SUSD4: variants seen among roughly 807,000 people sequenced by gnomAD.
The protein encoded by SUSD4 is sushi domain-containing protein 4.
Under a neutral mutation model 50.5 loss-of-function variants are expected in SUSD4, and 41 were observed. The ratio of observed to expected loss-of-function variants is 0.81; its 90% CI spans 0.63 to 1.05. The LOEUF (loss-of-function observed/expected upper bound fraction) is 1.05. Ranked by LOEUF, SUSD4 falls within the 50% of genes least tolerant of loss-of-function variation. The probability of loss-of-function intolerance (pLI) is 0.00; values close to 1 mark genes in which losing one functional copy is unlikely to be tolerated. For synonymous variants in SUSD4, 257 were observed against 257.3 expected (o/e 1.00, Z 0.01); for missense variants, 580 against 634.7 (o/e 0.91, Z 0.93).
In SUSD4 at chr1:223,229,310, G is replaced by C. The variant is rs932060741; in HGVS notation, c.803C>G (p.Thr268Ser). The change falls in exon 6 of 9, where the codon ACT becomes AGT. Residue 268 changes from threonine (T) to serine (S), a missense_variant. By Grantham distance (58) the Thr-to-Ser change is moderately conservative. Transcript: ENST00000366878. The surrounding 1 kb of genome is among the most constrained non-coding windows in gnomAD (Gnocchi z 4.7). ...AGGATCGCAGTAAAACTCCACCACA[G>C]TTCCGTGGTTGTAGCGCTCACAAGG... ...PRPCERYNHG[T>S]VVEFYCDPGY... 6.2e-7 allele frequency: 1 copy of C among 1,612,690 alleles called. No individual in the cohort carries two copies. The highest frequency in any genetic ancestry group is 8.5e-7 in the Non-Finnish European group (1 of 1,178,994).
intron 2 of SUSD4, among the ~76,000 whole-genome samples, chr1:223,321,273 C>T (rs1666555839): frequency 6.6e-6 from 1 of 152,208 alleles, no homozygotes; most frequent in African/African-American, 2.4e-5. Flanking sequence ...ACGGCAAAGA[C>T]AGATGCAGAG....
chr1:223,255,601 A>C (rs1316885238), intron 5 of SUSD4, among the ~76,000 whole-genome samples: 2 of 152,156 alleles, frequency 1.3e-5, no homozygotes, highest in African/African-American at 4.8e-5. Context: ...CCAGGGCCTT[A>C]GAGCCTTATG....
chr1:223,236,169 G>A (rs1460988472), intron 5 of SUSD4, among the ~76,000 whole-genome samples: 1 of 152,124 alleles, frequency 6.6e-6, no homozygotes. Context: ...TGGTGTTAAG[G>A]TCTTTGGAAC....
intron 3 of SUSD4, among the ~76,000 whole-genome samples, chr1:223,269,210 C>T (rs1662738415): frequency 6.6e-6 from 1 of 152,146 alleles, no homozygotes; most frequent in Non-Finnish European, 1.5e-5. Flanking sequence ...ATTTCCTGTC[C>T]ACCTTATCTG....
rs994029422 is a variant in SUSD4, at chr1:223,227,204, C to T, written c.1061+390G>A. Among the ~76,000 whole-genome samples the T allele has an allele frequency of 9.8e-5, 15 of 152,292 alleles. No individual in the cohort carries two copies. The highest frequency in any genetic ancestry group is 3.6e-4 in the African/African-American group (15 of 41,544). Reference sequence around the variant, plus strand: ...CACCTCTGACCTGTGTCCCAGTCAGCTGTGTGCGCATCTTACCCTCCCTAT... The same window carrying T: ...CACCTCTGACCTGTGTCCCAGTCAGTTGTGTGCGCATCTTACCCTCCCTAT... On this transcript the variant is annotated intron_variant, in intron 7 of 8. Coordinates refer to ENST00000366878, the MANE Select transcript of SUSD4 (RefSeq NM_017982.4). The surrounding 1 kb of genome is among the most constrained non-coding windows in gnomAD (Gnocchi z 4.5).
chr1:223,350,512 T>C (rs17163825), intron 2 of SUSD4, among the ~76,000 whole-genome samples: 55,445 of 152,006 alleles, frequency 0.36, 10,387 homozygotes, highest in African/African-American at 0.46. Context: ...CAGACATCAA[T>C]CCTCTCACGG....
intron 3 of SUSD4, among the ~76,000 whole-genome samples, chr1:223,268,919 C>A (rs940328870): frequency 6.6e-6 from 1 of 152,174 alleles, no homozygotes; most frequent in African/African-American, 2.4e-5. Flanking sequence ...ACAAAAAGAA[C>A]TTTATTTCCT....
At chr1:223,293,789 G>C (rs920485033) in intron 2 of SUSD4, among the ~76,000 whole-genome samples, 1 of 152,166 alleles carries the variant, frequency 6.6e-6, no homozygotes, top group Non-Finnish European at 1.5e-5. Flanking sequence ...CTAGGGCCAA[G>C]GATAAGGGAG....
At chr1:223,254,514 T>C (rs1164331591) in intron 5 of SUSD4, among the ~76,000 whole-genome samples, 1 of 152,026 alleles carries the variant, frequency 6.6e-6, no homozygotes, top group African/African-American at 2.4e-5. Context: ...GAACAGCAGA[T>C]TCGGAGAGAG....
At chr1:223,291,083 G>T (rs1338065045) in intron 3 of SUSD4, among the ~76,000 whole-genome samples, 1 of 152,006 alleles carries the variant, frequency 6.6e-6, no homozygotes, top group East Asian at 1.9e-4. Flanking sequence ...TATTTATTAT[G>T]GCTTTTTCTT....
chr1:223,289,884 G>A (rs1664374122), intron 3 of SUSD4, among the ~76,000 whole-genome samples: 1 of 152,204 alleles, frequency 6.6e-6, no homozygotes, highest in Admixed American at 6.5e-5. Context: ...CAACCTTGTA[G>A]AGGAAAAACA....
intron 5 of SUSD4, among the ~76,000 whole-genome samples, chr1:223,250,801 G>A (rs1049950307): frequency 7.2e-5 from 11 of 152,184 alleles, no homozygotes; most frequent in African/African-American, 2.2e-4. Context: ...AGCAGGGTGC[G>A]GTGTACCGGG....
chr1:223,330,657 G>A (rs540584657), intron 2 of SUSD4, among the ~76,000 whole-genome samples: 30 of 152,232 alleles, frequency 2.0e-4, no homozygotes, highest in African/African-American at 6.5e-4. Context: ...GCATGTCTCC[G>A]GCCTCATGCA....
At chr1:223,242,487 T>C (rs947019856) in intron 5 of SUSD4, among the ~76,000 whole-genome samples, 2 of 152,174 alleles carry the variant, frequency 1.3e-5, no homozygotes, top group Non-Finnish European at 2.9e-5. Flanking sequence ...TGCCCCACCC[T>C]TGCCATGCTC....
chr1:223,229,413 G>T lies in SUSD4; in HGVS notation c.725-25C>A, dbSNP rs778706525. Reference sequence around the variant, plus strand: ...ACTTGGGCAGTAGGGGAGAATAAAAGTTTCAGAACCACAAGCTCACCTTTG... The same window carrying T: ...ACTTGGGCAGTAGGGGAGAATAAAATTTTCAGAACCACAAGCTCACCTTTG... On this transcript the variant is annotated intron_variant, in intron 5 of 8. Transcript: ENST00000366878. This position sits in a 1 kb window ranked among gnomAD's most constrained non-coding sequence, Gnocchi z 4.7. 1 of 1,564,396 alleles carries T rather than the reference G, an allele frequency of 6.4e-7. No homozygotes were observed. Among genetic ancestry groups the T allele is most frequent in the Non-Finnish European group, 8.7e-7 (1 of 1,144,066 alleles).
intron 2 of SUSD4, among the ~76,000 whole-genome samples, chr1:223,361,835 C>T (rs1029836311): frequency 1.3e-5 from 2 of 152,184 alleles, no homozygotes; most frequent in African/African-American, 4.8e-5. Context: ...TCCAGATCCA[C>T]GCAATACTGT....
At chr1:223,362,927 G>GCC (rs1277699318) in intron 2 of SUSD4, among the ~76,000 whole-genome samples, 147 of 43,642 alleles carry the variant, frequency 3.4e-3, no homozygotes, top group African/African-American at 6.2e-3. Flanking sequence ...ACTCCCCACT[G>GCC]CCCCCACCCC....
chr1:223,317,851 C>CTTTTTTTTT (rs1172641015), intron 2 of SUSD4, among the ~76,000 whole-genome samples: 9 of 100,732 alleles, frequency 8.9e-5, no homozygotes, highest in African/African-American at 1.5e-4. Flanking sequence ...TTTTTTTTTT[C>CTTTTTTTTT]TTTTTTTTTT....
chr1:223,235,051 C>T (rs1660123116), intron 5 of SUSD4: 2 of 1,609,962 alleles, frequency 1.2e-6, no homozygotes, highest in South Asian at 1.1e-5. Context: ...CAGCTGCCAA[C>T]CTGATGTGTG....
Sources: gnomAD v4.1 joint callset for allele counts (sites outside exome capture counted in the v4.1 genomes callset) on GRCh38, gnomAD v4.1.1 for gene constraint, Gnocchi (gnomAD v3.1) non-coding constraint, MANE v1.5 for transcripts, NCBI Gene and HGNC (gene_info 2026-07-23, HGNC 2026-07-21) for gene names.